Variants in WRAP73 observed in about 807,000 individuals in gnomAD.
WRAP73 encodes the protein WD repeat containing, antisense to TP73, also known as WD repeat-containing protein WRAP73.
A neutral mutation model predicts 59.6 loss-of-function variants in WRAP73; 55 were observed. The ratio of observed to expected loss-of-function variants is 0.92; its 90% CI spans 0.74 to 1.15. The LOEUF is 1.15. Ranked by LOEUF, WRAP73 falls within the 50% of genes most tolerant of loss-of-function variation. The pLI, the probability that WRAP73 is intolerant of heterozygous loss-of-function variation, is 0.00. For missense variants in WRAP73, 592 were observed against 608.1 expected, an observed-to-expected ratio of 0.97 and a Z score of 0.28; for synonymous variants, 265 against 258.2, an observed-to-expected ratio of 1.03 and a Z score of -0.25.
At chr1:3,647,347 C>A in intron 2 of WRAP73, 61 bp downstream of exon 2, 1 of 1,509,826 alleles carries the variant, frequency 6.6e-7, no homozygotes, top group Non-Finnish European at 8.9e-7. Flanking sequence ...CAGAACAAAA[C>A]CCCTCCTTCC....
intron 3 of WRAP73, among the ~76,000 whole-genome samples, chr1:3,640,592 G>A (rs1328314695): frequency 7.2e-6 from 1 of 139,240 alleles, no homozygotes; most frequent in East Asian, 2.1e-4. Context: ...GGGCAGGGTG[G>A]AACGCCCCAG....
rs1484893795 is a variant in WRAP73 at position 3,632,323 on chromosome 1, A to C, written c.938T>G (p.Val313Gly). Residue 313 changes from valine (V) to glycine (G), a missense_variant, in exon 10 of 12, where the codon GTC (valine) becomes GGC (glycine). Transcript: ENST00000270708. ...SSESKYEIAS[V>G]PVSLQTLKPV... ...TTTCAGTGTCTGTAAGGAGACTGGG[A>C]CAGAGGCGATCTCATCTAGAACACC... The C allele has an allele frequency of 1.9e-6, 3 of 1,614,146 alleles. No individual in the cohort carries two copies. Among genetic ancestry groups the C allele is most frequent in the Non-Finnish European group, 2.5e-6 (3 of 1,180,028 alleles).
chr1:3,645,035 G>C (rs765807841), intron 3 of WRAP73, among the ~76,000 whole-genome samples: 1 of 152,208 alleles, frequency 6.6e-6, no homozygotes, highest in Admixed American at 6.5e-5. Flanking sequence ...TACATAGTGC[G>C]GAGACATTGG....
intron 1 of WRAP73, 65 bp from the exon 2 acceptor site, chr1:3,647,625 G>C (rs1644704582): frequency 6.4e-7 from 1 of 1,558,826 alleles, no homozygotes; most frequent in South Asian, 1.2e-5. Context: ...CCTTCGGAAT[G>C]CTACTGCCCT....
intron 1 of WRAP73, among the ~76,000 whole-genome samples, chr1:3,647,854 A>G (rs1235006598): frequency 6.6e-6 from 1 of 152,244 alleles, no homozygotes; most frequent in African/African-American, 2.4e-5. Context: ...TCTTATCTGT[A>G]TGTTAAAAAC....
In WRAP73 at chr1:3,650,057, G is replaced by C. The variant is rs1215237781; in HGVS notation, c.-58C>G. 1.2e-5 allele frequency: 18 copies of C among 1,482,752 alleles called. No homozygotes were observed. Among genetic ancestry groups the C allele is most frequent in the Middle Eastern group, 1.9e-4 (1 of 5,238 alleles). The allele number at this position is 1,482,752 out of a possible 1,614,324, so 91.8% of individuals were successfully genotyped here. On this transcript the variant is annotated 5_prime_UTR_variant, in exon 1 of 12. Coordinates refer to ENST00000270708, the MANE Select transcript of WRAP73 (RefSeq NM_017818.4). ...CCGAAAACCCGCGGGACCCCTGGGCGCGCAGCAGGCTGCAACAGCCGACGC... is the reference window on the plus strand; with the variant it reads ...CCGAAAACCCGCGGGACCCCTGGGCCCGCAGCAGGCTGCAACAGCCGACGC...
intron 4 of WRAP73, among the ~76,000 whole-genome samples, chr1:3,637,556 G>C (rs1246246280): frequency 6.6e-6 from 1 of 152,208 alleles, no homozygotes; most frequent in Non-Finnish European, 1.5e-5. Flanking sequence ...AGATGAAAAT[G>C]TGTGGCCAGG....
chr1:3,647,390 C>T lies in WRAP73; in HGVS notation c.222+18G>A, dbSNP rs368194180. ...CCTCAGAAGGTGTCCAGATTCTAAG[C>T]GACACGGCAGCACACACCTGCACCA... On this transcript the variant is annotated intron_variant, in intron 2 of 11. Transcript: ENST00000270708. 5.9e-5 allele frequency: 95 copies of T among 1,600,774 alleles called. No homozygotes were observed. The highest frequency in any genetic ancestry group is 1.3e-4 in the South Asian group (12 of 89,488).
rs761892344 is a variant in WRAP73 at position 3,632,196 on chromosome 1, G to T, written c.1048+17C>A. ...CACAGTAAAGGGTGAGACAGCACCT[G>T]CGTCAGCACAACTGACCGTTCCTTG... On this transcript the variant is annotated intron_variant, in intron 10 of 11. Transcript: ENST00000270708. 1 of 1,607,092 alleles carries T rather than the reference G, an allele frequency of 6.2e-7. No individual in the cohort carries two copies. The highest frequency in any genetic ancestry group is 8.5e-7 in the Non-Finnish European group (1 of 1,175,936).
At chr1:3,631,966 T>C (rs1644539546) in intron 10 of WRAP73, 2 of 1,403,254 alleles carry the variant, frequency 1.4e-6, no homozygotes, top group Non-Finnish European at 1.8e-6. Flanking sequence ...CCCTGCTTTC[T>C]ACTCAGCAGA....
intron 3 of WRAP73, among the ~76,000 whole-genome samples, chr1:3,645,583 G>A (rs1352213111): frequency 1.3e-5 from 2 of 152,156 alleles, no homozygotes; most frequent in African/African-American, 2.4e-5. Context: ...AGCCCAGACA[G>A]CTATGAGCAC....
At chr1:3,637,434 C>T (rs1339971747) in intron 4 of WRAP73, among the ~76,000 whole-genome samples, 1 of 152,148 alleles carries the variant, frequency 6.6e-6, no homozygotes, top group Non-Finnish European at 1.5e-5. Context: ...TCGAGTCCCC[C>T]CATGTCTAAG....
chr1:3,632,068 T>G, intron 10 of WRAP73, 145 bp downstream of exon 10: 1 of 1,496,570 alleles, frequency 6.7e-7, no homozygotes, highest in Non-Finnish European at 8.8e-7. Flanking sequence ...AAGGAGCTTC[T>G]GTGAGCACCT....
At chr1:3,637,843 A>G (rs943912810) in intron 4 of WRAP73, among the ~76,000 whole-genome samples, 7 of 152,236 alleles carry the variant, frequency 4.6e-5, no homozygotes, top group Admixed American at 6.5e-5. Context: ...CAAAAAAGTA[A>G]TAATAAGATG....
chr1:3,646,679 G>T lies in WRAP73; in HGVS notation c.326C>A (p.Thr109Asn), dbSNP rs1644694382. 1 of 1,600,774 alleles carries T rather than the reference G, an allele frequency of 6.2e-7. No individual in the cohort carries two copies. Among genetic ancestry groups the T allele is most frequent in the Non-Finnish European group, 8.5e-7 (1 of 1,170,830 alleles). ...GCTGACACTTACATGGAATTCCGTG[G>T]TGTTGAGAATGTGGCGCCCGTCCGG... ...WSPDGRHILN[T>N]TEFHLRITVW... Residue 109 changes from threonine (T) to asparagine (N), a missense_variant, in exon 3 of 12, where the codon ACC becomes AAC. Coordinates refer to ENST00000270708, the MANE Select transcript of WRAP73 (RefSeq NM_017818.4). The surrounding 1 kb of genome is among the most constrained non-coding windows in gnomAD (Gnocchi z 5.1).
chr1:3,635,878 T>C, intron 6 of WRAP73, 66 bp downstream of exon 6: 1 of 1,364,090 alleles, frequency 7.3e-7, no homozygotes, highest in Non-Finnish European at 1.0e-6. Context: ...TATTGCAGCA[T>C]TCAGAAAGCA....
In WRAP73 at chr1:3,631,058, T is replaced by G; in HGVS notation, c.1300A>C (p.Ser434Arg). The part of the protein sequence containing the change: ...HLSGDSMALL[S>R]KDHFCLCFLE... The stretch of plus-strand genomic sequence containing the variant: ...AAGCAGAGGCAGAAGTGATCCTTGC[T>G]GAGGAGGGCCATCGAGTCTCCGCTT... Residue 434 changes from serine (S) to arginine (R), a missense_variant, in exon 12 of 12, where the codon AGC becomes CGC. Transcript: ENST00000270708. The G allele has an allele frequency of 6.2e-7, 1 of 1,613,294 alleles. No individual in the cohort carries two copies. The highest frequency in any genetic ancestry group is 8.5e-7 in the Non-Finnish European group (1 of 1,180,022).
intron 3 of WRAP73, among the ~76,000 whole-genome samples, chr1:3,645,730 C>T (rs1644685380): frequency 6.6e-6 from 1 of 152,196 alleles, no homozygotes; most frequent in African/African-American, 2.4e-5. Flanking sequence ...TTGACATATG[C>T]CTAATTTTAA....
rs1023384291 is a variant in WRAP73 at position 3,646,132 on chromosome 1, C to A, written c.339+534G>T. On this transcript the variant is annotated intron_variant, in intron 3 of 11. Coordinates refer to ENST00000270708, the MANE Select transcript of WRAP73 (RefSeq NM_017818.4). The surrounding 1 kb of genome is among the most constrained non-coding windows in gnomAD (Gnocchi z 5.1). ...CAACCCCGCCAATCTACCAGCCACT[C>A]GGGAGCCACCTCAGTCATCAGACCC... Among the ~76,000 whole-genome samples, 1 of 152,212 alleles carries A rather than the reference C, an allele frequency of 6.6e-6. No individual in the cohort carries two copies. Among genetic ancestry groups the A allele is most frequent in the African/African-American group, 2.4e-5 (1 of 41,460 alleles).
Sources: allele counts gnomAD v4.1 joint callset (sites outside exome capture counted in the v4.1 genomes callset), GRCh38; gene constraint gnomAD v4.1.1; non-coding constraint Gnocchi (gnomAD v3.1); transcripts MANE v1.5; gene names NCBI Gene and HGNC (gene_info 2026-07-23, HGNC 2026-07-21).